The following F2RL2 variants were observed in gnomAD, a reference collection of about 807,000 sequenced individuals.
The protein encoded by F2RL2 is coagulation factor II thrombin receptor like 2.
In F2RL2, 4 loss-of-function variants were observed where a neutral mutation model predicts 4.3. The observed-to-expected ratio is 0.93, with a 90% confidence interval of 0.46 to 2.12. The LOEUF is 2.12. Ranked by LOEUF, F2RL2 falls within the 30% of genes most tolerant of loss-of-function variation. The pLI, the probability that F2RL2 is intolerant of heterozygous loss-of-function variation, is 0.02. For missense variants in F2RL2, 408 were observed against 449.3 expected (o/e 0.91, Z 0.83); for synonymous variants, 166 against 170.9 (o/e 0.97, Z 0.22).
At position 76,617,723 on chromosome 5, in the gene F2RL2, G is replaced by A. The variant is rs1749125329; in HGVS notation, c.984C>T (p.Tyr328=). The A allele has an allele frequency of 8.7e-6, 14 of 1,614,088 alleles. No homozygotes were observed. The highest frequency in any genetic ancestry group is 1.2e-5 in the Non-Finnish European group (14 of 1,179,992). Residue 328 remains tyrosine (Y), a synonymous_variant, in exon 2 of 2, where the codon TAC becomes TAT. Coordinates refer to ENST00000296641, the MANE Select transcript of F2RL2 (RefSeq NM_004101.4). ...ATAAGCCATCAGTGTTGTTGTAGTA[G>A]TAGTTAGCATGGTGAATAATAAGAA... ...NIILIIHHAN[Y]YYNNTDGLYF...
rs1296497132 is a variant in F2RL2, at chr5:76,617,102, T to A, written c.*480A>T. 6.5e-6 allele frequency: 1 copy of A among 154,684 alleles called. No homozygotes were observed. Among genetic ancestry groups the A allele is most frequent in the Non-Finnish European group, 1.4e-5 (1 of 69,614 alleles). The allele number at this position is 154,684 out of a possible 1,614,324, so 9.6% of individuals were successfully genotyped here. ...TGTCATTTTCCATAGAGTTGTGATA[T>A]CTTTTCTCCTGCATTAACATTTTTA... On this transcript the variant is annotated 3_prime_UTR_variant, in exon 2 of 2. Coordinates refer to ENST00000296641, the MANE Select transcript of F2RL2 (RefSeq NM_004101.4).
In F2RL2 at chr5:76,616,948, C is replaced by G. The variant is rs1749032069; in HGVS notation, c.*634G>C. The G allele has an allele frequency of 6.6e-6, 1 of 152,190 alleles. No homozygotes were observed. The highest frequency in any genetic ancestry group is 1.5e-5 in the Non-Finnish European group (1 of 68,118). 9.4% of individuals were successfully genotyped at this position (152,190 alleles called of 1,614,324 possible). ...ATAGAATCAGTTGATGAGGCAGCCA[C>G]CAGCATGAGAGTCAAAAGAGACCAA... On this transcript the variant is annotated 3_prime_UTR_variant, in exon 2 of 2. Transcript: ENST00000296641.
At chr5:76,619,330 GA>G (rs1749357479) in intron 1 of F2RL2, among the ~76,000 whole-genome samples, 1 of 152,050 alleles carries the variant, frequency 6.6e-6, no homozygotes, top group Admixed American at 6.6e-5. Flanking sequence ...ACTGTCCTAA[GA>G]AATCATATGT....
rs562260072 is a variant in F2RL2, at chr5:76,619,719, C to T, written c.65-1077G>A. 3.9e-5 allele frequency among the ~76,000 whole-genome samples: 6 copies of T among 152,102 alleles called. No homozygotes were observed. The East Asian group carries it at 9.7e-4, about 25-fold the overall frequency. ...TTTTTTAGTAGAGACAGGGTTTCAC[C>T]ATGTTAGCCAGGATGGTCTCGATCT... On this transcript the variant is annotated intron_variant, in intron 1 of 1. Coordinates refer to ENST00000296641, the MANE Select transcript of F2RL2 (RefSeq NM_004101.4).
intron 1 of F2RL2, among the ~76,000 whole-genome samples, chr5:76,622,836 A>G (rs2150366638): frequency 6.6e-6 from 1 of 152,270 alleles, no homozygotes; most frequent in African/African-American, 2.4e-5. Flanking sequence ...CCCTAGAAAA[A>G]GTGCCATCTT....
chr5:76,619,049 T>C (rs897345800), intron 1 of F2RL2, among the ~76,000 whole-genome samples: 10 of 152,182 alleles, frequency 6.6e-5, no homozygotes, highest in Non-Finnish European at 1.0e-4. Flanking sequence ...AGATGGAATT[T>C]AATGAGTAAG....
At chr5:76,618,722 C>A in intron 1 of F2RL2, 80 bp from the exon 2 acceptor site, 1 of 1,205,404 alleles carries the variant, frequency 8.3e-7, no homozygotes, top group Non-Finnish European at 1.2e-6. Context: ...TAAATAATTT[C>A]TGTGATTGTA....
Position 76,618,519 on chromosome 5 carries a change from G to A in F2RL2, c.188C>T (p.Thr63Met), listed in dbSNP as rs372087578. Residue 63 changes from threonine (T) to methionine (M), a missense_variant, in exon 2 of 2, where the codon ACG (threonine) becomes ATG (methionine). By Grantham distance (81) the Thr-to-Met change is moderately conservative. Transcript: ENST00000296641. ...AGGGCACTTAATTTTTACAGTAATC[G>A]TGGCTCCTGTCCAGCCTTCCAAGGC... Reference protein sequence around the residue: ...FSALEGWTGATITVKIKCPEE... With the variant: ...FSALEGWTGAMITVKIKCPEE... 156 of 1,614,118 alleles carry A rather than the reference G, an allele frequency of 9.7e-5. No individual in the cohort carries two copies. The African/African-American group carries it at 1.4e-3, about 14-fold the overall frequency.
intron 1 of F2RL2, among the ~76,000 whole-genome samples, chr5:76,622,099 T>C (rs1749745455): frequency 6.6e-6 from 1 of 152,174 alleles, no homozygotes; most frequent in Admixed American, 6.5e-5. Flanking sequence ...GCTTGCTTCA[T>C]TCTTCCTTCA....
Position 76,618,217 on chromosome 5 carries a change from C to T in F2RL2, c.490G>A (p.Val164Ile). 1 of 1,614,162 alleles carries T rather than the reference C, an allele frequency of 6.2e-7. No homozygotes were observed. The highest frequency in any genetic ancestry group is 8.5e-7 in the Non-Finnish European group (1 of 1,180,036). ...LNGNNWVFGEVLCRATTVIFY... is the reference protein window; with the variant it reads ...LNGNNWVFGEILCRATTVIFY... ...ATGACTGTGGTGGCCCGGCACAGGA[C>T]CTCTCCAAATACCCAGTTGTTCCCA... The change falls in exon 2 of 2, where the codon GTC (valine) becomes ATC (isoleucine). Residue 164 changes from valine (V) to isoleucine (I), a missense_variant. Transcript: ENST00000296641.
intron 1 of F2RL2, among the ~76,000 whole-genome samples, chr5:76,621,546 A>G (rs1281894975): frequency 6.6e-6 from 1 of 152,234 alleles, no homozygotes; most frequent in Non-Finnish European, 1.5e-5. Flanking sequence ...AGCATGCCGT[A>G]CAAGTTATTA....
intron 1 of F2RL2, among the ~76,000 whole-genome samples, chr5:76,621,187 T>C (rs1276478148): frequency 6.6e-6 from 1 of 152,212 alleles, no homozygotes; most frequent in East Asian, 1.9e-4. Flanking sequence ...CTCTTCCTGC[T>C]TTAATCTCTA....
intron 1 of F2RL2, among the ~76,000 whole-genome samples, chr5:76,622,937 T>C (rs1175019033): frequency 6.6e-6 from 1 of 152,242 alleles, no homozygotes. Context: ...ATCTTGAATA[T>C]GCCACACATT....
rs745784256 is a variant in F2RL2, at chr5:76,618,530, C to A, written c.177G>T (p.Trp59Cys). 1 of 1,614,104 alleles carries A rather than the reference C, an allele frequency of 6.2e-7. No individual in the cohort carries two copies. Among genetic ancestry groups the A allele is most frequent in the Non-Finnish European group, 8.5e-7 (1 of 1,180,012 alleles). The change falls in exon 2 of 2, where the codon TGG becomes TGT. Residue 59 changes from tryptophan (W) to cysteine (C), a missense_variant. Coordinates refer to ENST00000296641, the MANE Select transcript of F2RL2 (RefSeq NM_004101.4). ...EEFPFSALEG[W>C]TGATITVKIK... ...TTTTTACAGTAATCGTGGCTCCTGT[C>A]CAGCCTTCCAAGGCAGAAAAGGGGA...
intron 1 of F2RL2, among the ~76,000 whole-genome samples, chr5:76,622,117 C>A (rs940829235): frequency 1.3e-5 from 2 of 152,078 alleles, no homozygotes; most frequent in Non-Finnish European, 2.9e-5. Context: ...TCACATTTCT[C>A]CCCCACCCCA....
In F2RL2 at chr5:76,617,252, C is replaced by T. The variant is rs968600230; in HGVS notation, c.*330G>A. ...TTGAGGTCAGGAGTTCAAGACCAGC[C>T]TGGTCAACATGGTGAAACCCCGTCT... On this transcript the variant is annotated 3_prime_UTR_variant, in exon 2 of 2. Transcript: ENST00000296641. 3.0e-5 allele frequency: 6 copies of T among 200,000 alleles called. No individual in the cohort carries two copies. Among genetic ancestry groups the T allele is most frequent in the Non-Finnish European group, 6.2e-5 (6 of 96,890 alleles). The allele number at this position is 200,000 out of a possible 1,614,324, so 12.4% of individuals were successfully genotyped here.
chr5:76,621,063 G>T (rs908419831), intron 1 of F2RL2, among the ~76,000 whole-genome samples: 1 of 152,004 alleles, frequency 6.6e-6, no homozygotes. Flanking sequence ...CATTCTTATC[G>T]ATTTAAAATG....
intron 1 of F2RL2, among the ~76,000 whole-genome samples, chr5:76,619,602 CG>C (rs1749408335): frequency 1.3e-5 from 2 of 151,088 alleles, no homozygotes; most frequent in African/African-American, 4.9e-5. Context: ...CTGCAACCTC[CG>C]CCTCCCGGGT....
At position 76,618,441 on chromosome 5, in the gene F2RL2, G is replaced by T. The variant is rs532074209; in HGVS notation, c.266C>A (p.Thr89Asn). ...TATCAGTTTAGTACTTAAGGAGCTGGTCAGGTACCCCATGGTAGCATTTTT... is the reference window on the plus strand; with the variant it reads ...TATCAGTTTAGTACTTAAGGAGCTGTTCAGGTACCCCATGGTAGCATTTTT... ...HVKNATMGYLTSSLSTKLIPA... is the reference protein window; with the variant it reads ...HVKNATMGYLNSSLSTKLIPA... The change falls in exon 2 of 2, where the codon ACC becomes AAC. Residue 89 changes from threonine to asparagine, a missense_variant. Physicochemically the swap from Thr to Asn is moderately conservative, Grantham distance 65. Transcript: ENST00000296641. The T allele has an allele frequency of 1.9e-6, 3 of 1,614,216 alleles. No homozygotes were observed. Among genetic ancestry groups the T allele is most frequent in the East Asian group, 2.2e-5 (1 of 44,884 alleles).
Sources: allele counts gnomAD v4.1 joint callset (sites outside exome capture counted in the v4.1 genomes callset), GRCh38; gene constraint gnomAD v4.1.1; transcripts MANE v1.5; gene names NCBI Gene and HGNC (gene_info 2026-07-23, HGNC 2026-07-21).